Variants in CEP83 observed in about 807,000 individuals in gnomAD.
CEP83 encodes the protein centrosomal protein of 83 kDa.
Under a neutral mutation model 101.9 loss-of-function variants are expected in CEP83, and 70 were observed. The ratio of observed to expected loss-of-function variants is 0.69; its 90% CI spans 0.57 to 0.84. CEP83 has a LOEUF of 0.84. Among genes scored for constraint, CEP83 ranks in the 40% least tolerant of loss-of-function variants. The pLI, the probability that CEP83 is intolerant of heterozygous loss-of-function variation, is 0.00. For synonymous variants in CEP83, 264 were observed against 267.9 expected, an observed-to-expected ratio of 0.99 and a Z score of 0.14; for missense variants, 715 against 787.2, an observed-to-expected ratio of 0.91 and a Z score of 1.10.
chr12:94,412,517 T>A lies in CEP83; in HGVS notation c.-27A>T, dbSNP rs1375820013. 1 of 1,603,964 alleles carries A rather than the reference T, an allele frequency of 6.2e-7. No homozygotes were observed. The highest frequency in any genetic ancestry group is 8.5e-7 in the Non-Finnish European group (1 of 1,175,332). Reference sequence around the variant, plus strand: ...TAAAAATAAGTTTTGGCTTTCTTACTGTTTTAGTTTTCTTTCCAAGGGTAT... The same window carrying A: ...TAAAAATAAGTTTTGGCTTTCTTACAGTTTTAGTTTTCTTTCCAAGGGTAT... On this transcript the variant is annotated 5_prime_UTR_variant, in exon 3 of 17. Transcript: ENST00000397809.
chr12:94,314,170 T>C (rs976281516), intron 14 of CEP83, among the ~76,000 whole-genome samples: 16 of 152,196 alleles, frequency 1.1e-4, no homozygotes, highest in Admixed American at 3.9e-4. Flanking sequence ...ACACCTAAAA[T>C]GTTAAAACTC....
At chr12:94,427,901 A>T (rs1180911124) in intron 2 of CEP83, among the ~76,000 whole-genome samples, 2 of 152,314 alleles carry the variant, frequency 1.3e-5, no homozygotes, top group Admixed American at 6.5e-5. Flanking sequence ...TACAAAAAAA[A>T]AGTCACAACT....
intron 1 of CEP83, among the ~76,000 whole-genome samples, chr12:94,453,800 C>G (rs867038488): frequency 1.2e-4 from 18 of 152,276 alleles, no homozygotes; most frequent in Middle Eastern, 3.4e-3. Context: ...TCTCTTCCCA[C>G]AAAATTACAG....
At chr12:94,441,394 A>G (rs2066385341) in intron 1 of CEP83, among the ~76,000 whole-genome samples, 1 of 152,226 alleles carries the variant, frequency 6.6e-6, no homozygotes, top group Non-Finnish European at 1.5e-5. Flanking sequence ...CAAAAGATAT[A>G]CAAATGGCCA....
At chr12:94,442,880 A>C (rs1004885591) in intron 1 of CEP83, among the ~76,000 whole-genome samples, 2 of 152,138 alleles carry the variant, frequency 1.3e-5, no homozygotes, top group African/African-American at 4.8e-5. Context: ...CTGTTTGTTG[A>C]ATTTAATCAT....
At chr12:94,433,910 A>G (rs1314580273) in intron 2 of CEP83, 14 of 152,208 alleles carry the variant, frequency 9.2e-5, no homozygotes, top group Non-Finnish European at 4.4e-5. Context: ...CACTAATCCT[A>G]CATAAGAATG....
At chr12:94,386,438 A>C (rs2062152885) in intron 6 of CEP83, among the ~76,000 whole-genome samples, 2 of 152,308 alleles carry the variant, frequency 1.3e-5, no homozygotes, top group South Asian at 4.1e-4. Flanking sequence ...GAGCTCTGCA[A>C]TACTCTGCTT....
intron 11 of CEP83, among the ~76,000 whole-genome samples, chr12:94,340,863 G>A (rs1309821825): frequency 6.6e-6 from 1 of 152,190 alleles, no homozygotes; most frequent in Non-Finnish European, 1.5e-5. Flanking sequence ...AGAGGAGAGA[G>A]AAAATAAGAG....
At chr12:94,288,799 G>C in the CEP83 span, among the ~76,000 whole-genome samples, 107 of 152,306 alleles carry the variant, frequency 7.0e-4, no homozygotes, top group Non-Finnish European at 1.3e-3. Flanking sequence ...GTGGCTGCTG[G>C]GACAGCATGT....
chr12:94,395,648 C>A (rs1430306594), intron 6 of CEP83, among the ~76,000 whole-genome samples: 1 of 152,058 alleles, frequency 6.6e-6, no homozygotes, highest in African/African-American at 2.4e-5. Flanking sequence ...ACAGTGAAAC[C>A]CCGTCTCTAC....
chr12:94,333,581 A>G lies in CEP83; in HGVS notation c.1478T>C (p.Leu493Pro), dbSNP rs953117833. 5 of 1,613,816 alleles carry G rather than the reference A, an allele frequency of 3.1e-6. No homozygotes were observed. Among genetic ancestry groups the G allele is most frequent in the African/African-American group, 1.3e-5 (1 of 75,050 alleles). The change falls in exon 13 of 17, where the codon CTG (leucine) becomes CCG (proline). Residue 493 changes from leucine (L) to proline (P), a missense_variant. Leu to Pro is a moderately conservative substitution (Grantham distance 98). Coordinates refer to ENST00000397809, the MANE Select transcript of CEP83 (RefSeq NM_016122.3). ...TTCCTTCAGCATTTGGTTTGAATTC[A>G]GCAAGTCATTCTCTGACTGTGCAAG... ...TSLAQSENDL[L>P]NSNQMLKEMV...
At chr12:94,439,988 C>T (rs529747260) in intron 1 of CEP83, among the ~76,000 whole-genome samples, 33 of 152,294 alleles carry the variant, frequency 2.2e-4, no homozygotes, top group East Asian at 1.9e-4. Flanking sequence ...ATTCAGATCC[C>T]TTTATGATTA....
At chr12:94,355,809 G>C (rs1470251731) in intron 11 of CEP83, among the ~76,000 whole-genome samples, 1 of 152,232 alleles carries the variant, frequency 6.6e-6, no homozygotes, top group Non-Finnish European at 1.5e-5. Flanking sequence ...TGTGTCTTAA[G>C]GGCGTATTCC....
intron 6 of CEP83, among the ~76,000 whole-genome samples, chr12:94,396,628 AT>A (rs1368849624): frequency 6.6e-6 from 1 of 152,094 alleles, no homozygotes; most frequent in Non-Finnish European, 1.5e-5. Flanking sequence ...GTTCTTTCAC[AT>A]ATTATTTCAT....
At position 94,403,196 on chromosome 12, in the gene CEP83, T is replaced by C. The variant is rs1207892286; in HGVS notation, c.391A>G (p.Arg131Gly). ...QIQQELETPM[R>G]ERFRNLDEEV... ...TCATCTAGATTCCTAAAACGTTCTCTCATTGGAGTTTCTAATTCTTGTTGT... is the reference window on the plus strand; with the variant it reads ...TCATCTAGATTCCTAAAACGTTCTCCCATTGGAGTTTCTAATTCTTGTTGT... The change falls in exon 5 of 17, where the codon AGA becomes GGA. Residue 131 changes from arginine to glycine, a missense_variant. Physicochemically the swap from Arg to Gly is moderately radical, Grantham distance 125 (BLOSUM62 -2). Transcript: ENST00000397809. 1 of 1,579,492 alleles carries C rather than the reference T, an allele frequency of 6.3e-7. No homozygotes were observed. The highest frequency in any genetic ancestry group is 1.3e-5 in the African/African-American group (1 of 74,348).
chr12:94,378,897 G>C lies in CEP83; in HGVS notation c.695C>G (p.Ala232Gly). Residue 232 changes from alanine (A) to glycine (G), a missense_variant, in exon 7 of 17, where the codon GCG becomes GGG. Physicochemically the swap from Ala to Gly is moderately conservative, Grantham distance 60. Transcript: ENST00000397809. Reference sequence around the variant, plus strand: ...ATTCTCCTTTTCAGCCTTTAATTCCGCTACTTCAGCCTCTAAACCTTTTAA... The same window carrying C: ...ATTCTCCTTTTCAGCCTTTAATTCCCCTACTTCAGCCTCTAAACCTTTTAA... ...QKLKGLEAEV[A>G]ELKAEKENSE... is the part of the protein sequence containing the mutation. 1 of 1,613,938 alleles carries C rather than the reference G, an allele frequency of 6.2e-7. No homozygotes were observed. Among genetic ancestry groups the C allele is most frequent in the Non-Finnish European group, 8.5e-7 (1 of 1,179,968 alleles).
downstream of CEP83, among the ~76,000 whole-genome samples, chr12:94,304,922 C>T (rs1215162123): frequency 1.3e-5 from 2 of 152,208 alleles, no homozygotes; most frequent in African/African-American, 2.4e-5. Context: ...ATGCATAAAG[C>T]AGGGCCTAGG....
chr12:94,341,488 C>A (rs1244528495), intron 11 of CEP83, among the ~76,000 whole-genome samples: 1 of 151,544 alleles, frequency 6.6e-6, no homozygotes, highest in Non-Finnish European at 1.5e-5. Context: ...GTTGATGTAG[C>A]TGGACTTATA....
At chr12:94,430,347 A>G (rs2065524871) in intron 2 of CEP83, among the ~76,000 whole-genome samples, 1 of 152,204 alleles carries the variant, frequency 6.6e-6, no homozygotes, top group Non-Finnish European at 1.5e-5. Context: ...ATACAAGAGA[A>G]TACTGAAAAA....
Sources: gnomAD v4.1 joint callset for allele counts (sites outside exome capture counted in the v4.1 genomes callset) on GRCh38, gnomAD v4.1.1 for gene constraint, MANE v1.5 for transcripts, NCBI Gene and HGNC (gene_info 2026-07-23, HGNC 2026-07-21) for gene names.